TTC7A: variants seen among roughly 807,000 people sequenced by gnomAD.
The protein encoded by TTC7A is tetratricopeptide repeat protein 7A.
In TTC7A, 110 loss-of-function variants were observed where a neutral mutation model predicts 103.7. The observed-to-expected ratio is 1.06, with a 90% CI of 0.91 to 1.24. The LOEUF (loss-of-function observed/expected upper bound fraction) is 1.24. Ranked by LOEUF, TTC7A falls within the 50% of genes most tolerant of loss-of-function variation. The pLI, the probability that TTC7A is intolerant of heterozygous loss-of-function variation, is 0.00. For synonymous variants in TTC7A, 521 were observed against 467.9 expected, an observed-to-expected ratio of 1.11 and a Z score of -1.47; for missense variants, 1,340 against 1,116.3, an observed-to-expected ratio of 1.20 and a Z score of -2.86.
At chr2:46,974,758 T>A (rs1673690190) in intron 3 of TTC7A, 1 of 644,518 alleles carries the variant, frequency 1.6e-6, no homozygotes, top group Non-Finnish European at 2.8e-6. Context: ...GGTGATGCAC[T>A]GTGATTCCCC....
Position 46,975,090 on chromosome 2 carries a change from AG to A in TTC7A, c.637del (p.Glu213AsnfsTer14). The A allele has an allele frequency of 6.2e-7, 1 of 1,613,686 alleles. No individual in the cohort carries two copies. Among genetic ancestry groups the A allele is most frequent in the Non-Finnish European group, 8.5e-7 (1 of 1,179,706 alleles). On this transcript the variant is annotated frameshift_variant, in exon 4 of 20. Coordinates refer to ENST00000319190, the MANE Select transcript of TTC7A (RefSeq NM_020458.4). LOFTEE classifies it high-confidence loss of function. ...RASWIAQVFL[Q>X]ELEKTTNNST... ...TCCTGGATCGCTCAGGTGTTCCTGC[AG>A]GAATTGGAGAAGGTGAGCTGGAAAT...
chr2:47,009,825 A>C (rs975463344), intron 10 of TTC7A, among the ~76,000 whole-genome samples: 1 of 148,974 alleles, frequency 6.7e-6, no homozygotes, highest in Non-Finnish European at 1.5e-5. Context: ...GGGTGTACAC[A>C]CTGGGAGGAT....
intron 14 of TTC7A, 140 bp downstream of exon 14, chr2:47,024,499 T>G: frequency 1.4e-6 from 1 of 712,888 alleles, no homozygotes; most frequent in Non-Finnish European, 2.3e-6. Flanking sequence ...TGTAAGTCCT[T>G]TGAGCCCTCA....
At chr2:46,978,384 G>T (rs1488847910) in intron 4 of TTC7A, 3 of 162,496 alleles carry the variant, frequency 1.8e-5, no homozygotes, top group Non-Finnish European at 4.0e-5. Context: ...TAATAGAGCT[G>T]CTCTAAGGAC....
chr2:47,007,631 A>G lies in TTC7A; in HGVS notation c.1287+907A>G, dbSNP rs567500903. 1.1e-4 allele frequency among the ~76,000 whole-genome samples: 16 copies of G among 152,202 alleles called. No homozygotes were observed. The East Asian group carries it at 3.1e-3, about 30-fold the overall frequency. On this transcript the variant is annotated intron_variant, in intron 10 of 19. Transcript: ENST00000319190. The surrounding 1 kb of genome is among the most constrained non-coding windows in gnomAD (Gnocchi z 4.9). ...TTGCCAGTGCCTCCTCCACGCATCAAGGGCGTGCCAGCCAGCTCGGGGCCT... is the reference window on the plus strand; with the variant it reads ...TTGCCAGTGCCTCCTCCACGCATCAGGGGCGTGCCAGCCAGCTCGGGGCCT...
intron 3 of TTC7A, among the ~76,000 whole-genome samples, chr2:46,966,442 G>A (rs921357538): frequency 1.3e-5 from 2 of 152,048 alleles, no homozygotes; most frequent in African/African-American, 4.8e-5. Flanking sequence ...AGTTCATACA[G>A]TCATGTTTTA....
chr2:46,944,074 C>G (rs191105266), intron 1 of TTC7A, among the ~76,000 whole-genome samples: 12 of 152,286 alleles, frequency 7.9e-5, no homozygotes, highest in Admixed American at 3.9e-4. Context: ...GCTACTGTCT[C>G]CTCACTCACA....
intron 3 of TTC7A, among the ~76,000 whole-genome samples, chr2:46,958,838 G>A (rs1030310587): frequency 2.0e-5 from 3 of 152,186 alleles, no homozygotes; most frequent in Admixed American, 6.6e-5. Flanking sequence ...CACACCCTTC[G>A]GGGGCTGAGG....
intron 5 of TTC7A, among the ~76,000 whole-genome samples, chr2:46,991,587 G>A (rs557840163): frequency 2.0e-5 from 3 of 152,286 alleles, no homozygotes; most frequent in Admixed American, 6.5e-5. Context: ...ATTTCTAAGG[G>A]AAGGTGAGTT....
At chr2:47,055,631 G>C (rs1050277510) in intron 18 of TTC7A, among the ~76,000 whole-genome samples, 1 of 152,176 alleles carries the variant, frequency 6.6e-6, no homozygotes, top group Admixed American at 6.5e-5. Flanking sequence ...CAGAGCAGGA[G>C]ACGCATGTAG....
At chr2:47,042,702 G>GTGTGTGTGTGTATA (rs111460716) in intron 15 of TTC7A, among the ~76,000 whole-genome samples, 1 of 142,636 alleles carries the variant, frequency 7.0e-6, no homozygotes, top group Non-Finnish European at 1.5e-5. Context: ...GTGTGTGTGT[G>GTGTGTGTGTGTATA]TATATATATG....
chr2:47,056,932 G>A (rs1318179972), intron 18 of TTC7A, among the ~76,000 whole-genome samples: 1 of 152,192 alleles, frequency 6.6e-6, no homozygotes, highest in East Asian at 1.9e-4. Flanking sequence ...AGCCCCGTGT[G>A]CTGGATGATG....
chr2:47,006,620 C>T (rs1383309158), intron 9 of TTC7A, 21 bp from the exon 10 acceptor site: 1 of 1,608,226 alleles, frequency 6.2e-7, no homozygotes, highest in Non-Finnish European at 8.5e-7. Flanking sequence ...TGGGTAAATG[C>T]TGACTATCTC....
Position 47,055,911 on chromosome 2 carries a change from A to G in TTC7A, c.2152+4031A>G, listed in dbSNP as rs143733988. On this transcript the variant is annotated intron_variant, in intron 18 of 19. Coordinates refer to ENST00000319190, the MANE Select transcript of TTC7A (RefSeq NM_020458.4). ...AGCTGGCGCTCACCCTTGGTCCTACATGCTCCTCTACTCTTTGTCATCCTT... is the reference window on the plus strand; with the variant it reads ...AGCTGGCGCTCACCCTTGGTCCTACGTGCTCCTCTACTCTTTGTCATCCTT... Among the ~76,000 whole-genome samples, 16 of 151,506 alleles carry G rather than the reference A, an allele frequency of 1.1e-4. No individual in the cohort carries two copies. In the East Asian group the frequency reaches 3.0e-3, roughly 29 times the overall value.
chr2:46,989,577 G>C (rs916732593), intron 5 of TTC7A, among the ~76,000 whole-genome samples: 1 of 151,660 alleles, frequency 6.6e-6, no homozygotes, highest in Non-Finnish European at 1.5e-5. Context: ...TGGGACCCCA[G>C]ATCTCTCCCT....
At chr2:46,932,473 T>A (rs183736389) in intron 2 of TTC7A, among the ~76,000 whole-genome samples, 1 of 152,260 alleles carries the variant, frequency 6.6e-6, no homozygotes, top group African/African-American at 2.4e-5. Flanking sequence ...TTGACCCTAG[T>A]TGATGGTTAA....
intron 3 of TTC7A, among the ~76,000 whole-genome samples, chr2:46,964,273 AG>A (rs1454366931): frequency 6.6e-6 from 1 of 152,190 alleles, no homozygotes; most frequent in African/African-American, 2.4e-5. Context: ...GGAAGGCCAA[AG>A]GGAAGCCCCG....
chr2:47,026,811 G>A (rs745454878), intron 14 of TTC7A, among the ~76,000 whole-genome samples: 10 of 152,118 alleles, frequency 6.6e-5, no homozygotes, highest in African/African-American at 1.7e-4. Context: ...CATTATCCTC[G>A]TTTTGTAGCA....
At chr2:47,014,121 C>T (rs1391586658) in intron 11 of TTC7A, among the ~76,000 whole-genome samples, 2 of 152,162 alleles carry the variant, frequency 1.3e-5, no homozygotes, top group Admixed American at 6.5e-5. Context: ...TCCTTCTTGC[C>T]GATGGACACA....
Sources: gnomAD v4.1 joint callset for allele counts (sites outside exome capture counted in the v4.1 genomes callset) on GRCh38, gnomAD v4.1.1 for gene constraint, Gnocchi (gnomAD v3.1) non-coding constraint, MANE v1.5 for transcripts, NCBI Gene and HGNC (gene_info 2026-07-23, HGNC 2026-07-21) for gene names.